The following ITFG1 variants were observed in gnomAD, a reference collection of about 807,000 sequenced individuals.
ITFG1 encodes T-cell immunomodulatory protein.
In ITFG1, 34 loss-of-function variants were observed where a neutral mutation model predicts 81.8. The observed-to-expected ratio is 0.42, with a 90% confidence interval of 0.32 to 0.55. The LOEUF is 0.55. Among genes scored for constraint, ITFG1 ranks in the 20% least tolerant of loss-of-function variants. The pLI is 0.17. For missense variants in ITFG1, 672 were observed against 755.4 expected (o/e 0.89, Z 1.29); for synonymous variants, 285 against 270.6 (o/e 1.05, Z -0.52).
chr16:47,431,882 G>A (rs1210481432), intron 5 of ITFG1, among the ~76,000 whole-genome samples: 2 of 152,132 alleles, frequency 1.3e-5, no homozygotes, highest in Non-Finnish European at 2.9e-5. Context: ...TTTAAATAAA[G>A]TCATTCCCCT....
At chr16:47,390,032 T>C (rs1368142893) in intron 6 of ITFG1, among the ~76,000 whole-genome samples, 1 of 152,154 alleles carries the variant, frequency 6.6e-6, no homozygotes, top group Non-Finnish European at 1.5e-5. Context: ...AGATTTTAGT[T>C]TGGGTACAAA....
chr16:47,451,540 G>T, intron 4 of ITFG1, 70 bp from the exon 5 acceptor site: 1 of 842,694 alleles, frequency 1.2e-6, no homozygotes, highest in Non-Finnish European at 1.9e-6. Flanking sequence ...TTTAAAAGAA[G>T]CAGTAACTTT....
intron 14 of ITFG1, among the ~76,000 whole-genome samples, chr16:47,199,340 A>C (rs1294069957): frequency 6.6e-6 from 1 of 152,188 alleles, no homozygotes; most frequent in Non-Finnish European, 1.5e-5. Flanking sequence ...AGTGTGTATA[A>C]AATATACAAT....
intron 8 of ITFG1, among the ~76,000 whole-genome samples, chr16:47,348,769 A>G (rs1967900682): frequency 2.6e-5 from 4 of 152,200 alleles, no homozygotes; most frequent in Admixed American, 6.5e-5. Flanking sequence ...TAGATTCACC[A>G]AAGTTGAAAT....
chr16:47,440,054 G>C (rs1047348795), intron 5 of ITFG1, among the ~76,000 whole-genome samples: 2 of 149,932 alleles, frequency 1.3e-5, no homozygotes, highest in African/African-American at 5.1e-5. Flanking sequence ...TGATAAAACA[G>C]ACTTTAAACC....
At chr16:47,409,374 C>CTATATATATATATACATATATATATA (rs1555514883) in intron 6 of ITFG1, among the ~76,000 whole-genome samples, 6 of 20,988 alleles carry the variant, frequency 2.9e-4, no homozygotes, top group African/African-American at 2.7e-4. Context: ...TACACACACA[C>CTATATATATATATACATATATATATA]TATATATATA....
At chr16:47,172,924 C>A (rs776403720) in intron 14 of ITFG1, among the ~76,000 whole-genome samples, 1 of 152,172 alleles carries the variant, frequency 6.6e-6, no homozygotes, top group Non-Finnish European at 1.5e-5. Flanking sequence ...CTCCACTTCC[C>A]ATTTAACTGT....
chr16:47,437,161 T>C (rs1360263305), intron 5 of ITFG1, among the ~76,000 whole-genome samples: 3 of 152,200 alleles, frequency 2.0e-5, no homozygotes, highest in African/African-American at 2.4e-5. Flanking sequence ...GTTGTGATTA[T>C]GTATTTTTGA....
At chr16:47,312,995 A>G (rs1159429917) in intron 9 of ITFG1, 1 of 152,232 alleles carries the variant, frequency 6.6e-6, no homozygotes, top group Admixed American at 6.5e-5. Context: ...ACTTACAGGT[A>G]TAACAGTTAA....
intron 5 of ITFG1, among the ~76,000 whole-genome samples, chr16:47,431,358 C>T (rs191903957): frequency 2.6e-3 from 389 of 152,268 alleles, no homozygotes; most frequent in Middle Eastern, 0.02. Flanking sequence ...CAAAGGACTG[C>T]GAACCCTATT....
rs868802137 is a variant in ITFG1, at chr16:47,424,401, G to A, written c.655+4403C>T. ...ACACTCCTTTAGCTTGGAGAAGTTT[G>A]CTATTAACGATCTTCTGAAGCCTAC... On this transcript the variant is annotated intron_variant, in intron 6 of 17. Coordinates refer to ENST00000320640, the MANE Select transcript of ITFG1 (RefSeq NM_030790.5). 5.3e-5 allele frequency among the ~76,000 whole-genome samples: 8 copies of A among 152,256 alleles called. 2 individuals carry two copies. In the Middle Eastern group the frequency reaches 0.024, roughly 453 times the overall value.
chr16:47,334,678 C>T (rs1967679659), intron 8 of ITFG1, among the ~76,000 whole-genome samples: 1 of 152,110 alleles, frequency 6.6e-6, no homozygotes, highest in Admixed American at 6.5e-5. Flanking sequence ...CTCTGACAAA[C>T]AAGAAATTCC....
chr16:47,275,755 T>G (rs901449755), intron 10 of ITFG1, among the ~76,000 whole-genome samples: 18 of 152,140 alleles, frequency 1.2e-4, no homozygotes, highest in Non-Finnish European at 2.5e-4. Flanking sequence ...AATTCTGCCA[T>G]TTTTAGACTG....
intron 8 of ITFG1, among the ~76,000 whole-genome samples, chr16:47,349,837 G>A (rs1967922885): frequency 6.6e-6 from 1 of 152,138 alleles, no homozygotes; most frequent in Non-Finnish European, 1.5e-5. Context: ...AAATGTAGAA[G>A]AACAGAAATT....
chr16:47,439,879 G>A (rs1399443256), intron 5 of ITFG1, among the ~76,000 whole-genome samples: 1 of 152,076 alleles, frequency 6.6e-6, no homozygotes, highest in Non-Finnish European at 1.5e-5. Flanking sequence ...CAATTAAAAG[G>A]CACGGACTGG....
chr16:47,336,267 A>G (rs916026421), intron 8 of ITFG1, among the ~76,000 whole-genome samples: 4 of 152,220 alleles, frequency 2.6e-5, no homozygotes, highest in Non-Finnish European at 4.4e-5. Flanking sequence ...AACTCTGGAA[A>G]ACGGTCAAAG....
intron 5 of ITFG1, among the ~76,000 whole-genome samples, chr16:47,432,020 C>T (rs917547959): frequency 1.3e-5 from 2 of 152,164 alleles, no homozygotes; most frequent in African/African-American, 4.8e-5. Context: ...TTTTGGTTTG[C>T]ATTAAAGTTA....
intron 6 of ITFG1, among the ~76,000 whole-genome samples, chr16:47,420,779 T>C (rs1031673811): frequency 1.3e-5 from 2 of 152,192 alleles, no homozygotes; most frequent in African/African-American, 4.8e-5. Flanking sequence ...GCTGGTACCG[T>C]GTTCCTTGTA....
In ITFG1 at chr16:47,226,634, C is replaced by G. The variant is rs796771047; in HGVS notation, c.1375-7688G>C. Among the ~76,000 whole-genome samples the G allele has an allele frequency of 6.8e-4, 102 of 149,934 alleles. 1 individual carries two copies. The highest frequency in any genetic ancestry group is 2.4e-3 in the African/African-American group (96 of 40,790). On this transcript the variant is annotated intron_variant, in intron 13 of 17. Coordinates refer to ENST00000320640, the MANE Select transcript of ITFG1 (RefSeq NM_030790.5). ...GACAACATGCGGTGTTTGGTTTTTT[C>G]TCCTTGCGACAGTTCGCTGAGAATG...
Sources: gnomAD v4.1 joint callset for allele counts (sites outside exome capture counted in the v4.1 genomes callset) on GRCh38, gnomAD v4.1.1 for gene constraint, MANE v1.5 for transcripts, NCBI Gene and HGNC (gene_info 2026-07-23, HGNC 2026-07-21) for gene names.